The following CPNE8 variants were observed in gnomAD, a reference collection of about 807,000 sequenced individuals.
The protein encoded by CPNE8 is copine-8.
Under a neutral mutation model 81.5 loss-of-function variants are expected in CPNE8, and 45 were observed. The ratio of observed to expected loss-of-function variants is 0.55; its 90% confidence interval spans 0.44 to 0.71. The LOEUF (loss-of-function observed/expected upper bound fraction) is 0.71. CPNE8 is among the 30% of genes least tolerant of loss of function. The pLI, the probability that CPNE8 is intolerant of heterozygous loss-of-function variation, is 0.00. For synonymous variants in CPNE8, 252 were observed against 226.3 expected (o/e 1.11, Z -1.02); for missense variants, 594 against 672.1 (o/e 0.88, Z 1.28).
At chr12:38,780,094 T>C (rs1942017296) in intron 6 of CPNE8, among the ~76,000 whole-genome samples, 1 of 152,164 alleles carries the variant, frequency 6.6e-6, no homozygotes, top group East Asian at 1.9e-4. Context: ...CTGTGTATGG[T>C]GTAAAGTAAG....
rs188681461 is a variant in CPNE8 at position 38,741,782 on chromosome 12, G to T, written c.723-11424C>A. Among the ~76,000 whole-genome samples, 1,404 of 151,914 alleles carry T rather than the reference G, an allele frequency of 9.2e-3. 28 individuals are homozygous for T. The highest frequency in any genetic ancestry group is 0.031 in the African/African-American group (1,294 of 41,412). ...TTTTGCAATCTTCTCATCTGACAAA[G>T]GGCTAATATCCAGAATCTACAAAGA... On this transcript the variant is annotated intron_variant, in intron 10 of 19. Transcript: ENST00000331366.
At chr12:38,807,920 A>G (rs1401815273) in intron 6 of CPNE8, among the ~76,000 whole-genome samples, 1 of 151,602 alleles carries the variant, frequency 6.6e-6, no homozygotes, top group East Asian at 1.9e-4. Flanking sequence ...AAAACAAACA[A>G]CCCCATCAAA....
At chr12:38,751,480 C>T (rs189879466) in intron 10 of CPNE8, among the ~76,000 whole-genome samples, 73 of 152,028 alleles carry the variant, frequency 4.8e-4, no homozygotes, top group South Asian at 1.7e-3. Flanking sequence ...TTTTGTTGTA[C>T]GATATTTTTA....
At chr12:38,763,956 A>G (rs192977952) in intron 8 of CPNE8, among the ~76,000 whole-genome samples, 2 of 152,174 alleles carry the variant, frequency 1.3e-5, no homozygotes, top group Non-Finnish European at 2.9e-5. Flanking sequence ...CTATTAAGAG[A>G]TAAGATAGAA....
At chr12:38,736,048 A>C (rs1000880136) in intron 10 of CPNE8, among the ~76,000 whole-genome samples, 1 of 151,918 alleles carries the variant, frequency 6.6e-6, no homozygotes, top group South Asian at 2.1e-4. Flanking sequence ...AAATACATAG[A>C]TAAAACCACT....
At chr12:38,766,232 T>A (rs1255714179) in intron 8 of CPNE8, among the ~76,000 whole-genome samples, 1 of 152,106 alleles carries the variant, frequency 6.6e-6, no homozygotes, top group Non-Finnish European at 1.5e-5. Flanking sequence ...TGTGATAAAG[T>A]GAAATTTTAC....
chr12:38,889,517 C>T (rs1944281354), intron 1 of CPNE8, among the ~76,000 whole-genome samples: 1 of 151,950 alleles, frequency 6.6e-6, no homozygotes. Context: ...GGTGGTGGGA[C>T]ATAGAGAGAA....
rs571209028 is a variant in CPNE8 at position 38,805,819 on chromosome 12, G to T, written c.407+23560C>A. ...CCAAAAATCAATGAATCCAGGAGCT[G>T]GTTTTTTGAAAGGATCAACAAAATT... On this transcript the variant is annotated intron_variant, in intron 6 of 19. Transcript: ENST00000331366. Among the ~76,000 whole-genome samples, 25 of 149,674 alleles carry T rather than the reference G, an allele frequency of 1.7e-4. 3 individuals carry two copies. In the South Asian group the frequency reaches 5.3e-3, roughly 32 times the overall value.
intron 16 of CPNE8, among the ~76,000 whole-genome samples, chr12:38,680,200 G>A (rs1939379376): frequency 6.6e-6 from 1 of 151,872 alleles, no homozygotes; most frequent in South Asian, 2.1e-4. Context: ...TTCATATCTG[G>A]TTGGCTCAGA....
At chr12:38,797,445 G>A (rs1044950826) in intron 6 of CPNE8, among the ~76,000 whole-genome samples, 2 of 152,152 alleles carry the variant, frequency 1.3e-5, no homozygotes, top group Non-Finnish European at 2.9e-5. Context: ...ACAGGGTCTG[G>A]AGTGGACCTC....
intron 10 of CPNE8, among the ~76,000 whole-genome samples, chr12:38,739,003 G>A (rs1465379061): frequency 6.6e-6 from 1 of 151,798 alleles, no homozygotes; most frequent in Admixed American, 6.6e-5. Context: ...CGTAGAGATG[G>A]GGTTTCACCA....
intron 17 of CPNE8, among the ~76,000 whole-genome samples, chr12:38,677,072 G>T (rs563923068): frequency 2.3e-4 from 35 of 152,120 alleles, no homozygotes; most frequent in Middle Eastern, 3.4e-3. Flanking sequence ...CAGTTCTACA[G>T]AAATAGCAAT....
chr12:38,783,944 T>A (rs1191269806), intron 6 of CPNE8, among the ~76,000 whole-genome samples: 1 of 152,168 alleles, frequency 6.6e-6, no homozygotes, highest in Non-Finnish European at 1.5e-5. Context: ...TACCTAACTC[T>A]TCAATGCTTC....
chr12:38,745,759 G>A (rs1308335185), intron 10 of CPNE8, among the ~76,000 whole-genome samples: 1 of 152,114 alleles, frequency 6.6e-6, no homozygotes, highest in African/African-American at 2.4e-5. Context: ...TACCCAGGCT[G>A]GTCTCAAACT....
chr12:38,686,660 G>A (rs1449684010), intron 15 of CPNE8, among the ~76,000 whole-genome samples: 3 of 152,212 alleles, frequency 2.0e-5, no homozygotes, highest in Non-Finnish European at 2.9e-5. Context: ...TCTCTCATGA[G>A]GTTGCATTGA....
At chr12:38,713,102 C>A (rs756180616) in intron 13 of CPNE8, among the ~76,000 whole-genome samples, 1 of 152,144 alleles carries the variant, frequency 6.6e-6, no homozygotes, top group Non-Finnish European at 1.5e-5. Flanking sequence ...TAGCAAGAGG[C>A]AGATCTAGGA....
In CPNE8 at chr12:38,813,467, G is replaced by A. The variant is rs138941910; in HGVS notation, c.407+15912C>T. ...TGCTATCACAGAAATAAAATAGAGCGGGAGGAGTTTTGAGGTATAAATGAT... is the reference window on the plus strand; with the variant it reads ...TGCTATCACAGAAATAAAATAGAGCAGGAGGAGTTTTGAGGTATAAATGAT... On this transcript the variant is annotated intron_variant, in intron 6 of 19. Transcript: ENST00000331366. Among the ~76,000 whole-genome samples, 262 of 152,264 alleles carry A rather than the reference G, an allele frequency of 1.7e-3. 9 individuals carry two copies. In the South Asian group the frequency reaches 0.048, roughly 28 times the overall value.
intron 6 of CPNE8, among the ~76,000 whole-genome samples, chr12:38,790,384 A>C (rs1223854181): frequency 6.6e-6 from 1 of 151,798 alleles, no homozygotes; most frequent in Non-Finnish European, 1.5e-5. Flanking sequence ...CGGGATCTAA[A>C]AATCAAAACA....
intron 13 of CPNE8, among the ~76,000 whole-genome samples, chr12:38,709,732 A>G (rs1408240150): frequency 6.6e-6 from 1 of 152,176 alleles, no homozygotes; most frequent in African/African-American, 2.4e-5. Flanking sequence ...GTTATTGCAA[A>G]GAATCTGATG....
Sources: gnomAD v4.1 joint callset for allele counts (sites outside exome capture counted in the v4.1 genomes callset) on GRCh38, gnomAD v4.1.1 for gene constraint, MANE v1.5 for transcripts, NCBI Gene and HGNC (gene_info 2026-07-23, HGNC 2026-07-21) for gene names.